Variants in PTPRD observed in about 807,000 individuals in gnomAD.
The protein encoded by PTPRD is receptor-type tyrosine-protein phosphatase delta.
Under a neutral mutation model 214.5 loss-of-function variants are expected in PTPRD, and 34 were observed. That is an observed-to-expected ratio of 0.16 (90% CI 0.12 to 0.21). The LOEUF is 0.21. Ranked by LOEUF, PTPRD falls within the 10% of genes least tolerant of loss-of-function variation. The pLI, the probability that PTPRD is intolerant of heterozygous loss-of-function variation, is 1.00. For missense variants in PTPRD, 2,545 were observed against 2,398.7 expected, an observed-to-expected ratio of 1.06 and a Z score of -1.27; for synonymous variants, 1,128 against 845.7, an observed-to-expected ratio of 1.33 and a Z score of -5.79.
chr9:8,474,240 A>G (rs1339312950), intron 30 of PTPRD, among the ~76,000 whole-genome samples: 1 of 151,774 alleles, frequency 6.6e-6, no homozygotes, highest in Non-Finnish European at 1.5e-5. Context: ...CTACATTATG[A>G]TCTTCTCTGG....
chr9:10,370,288 C>T (rs941319275), intron 2 of PTPRD, among the ~76,000 whole-genome samples: 19 of 152,042 alleles, frequency 1.2e-4, no homozygotes, highest in African/African-American at 2.9e-4. Context: ...AGTATTAGAA[C>T]GCATGTTCAC....
At chr9:8,527,323 C>T (rs748714449) in intron 16 of PTPRD, 22 bp downstream of exon 16, 15 of 1,602,622 alleles carry the variant, frequency 9.4e-6, no homozygotes, top group South Asian at 6.7e-5. Flanking sequence ...GGTTGAAGTG[C>T]GCTTCAGAAC....
intron 11 of PTPRD, among the ~76,000 whole-genome samples, chr9:8,786,768 G>C (rs564624813): frequency 6.6e-6 from 1 of 151,644 alleles, no homozygotes; most frequent in Admixed American, 6.6e-5. Context: ...GTGGGGGGGC[G>C]GGGGGCGAGG....
chr9:8,819,730 T>C (rs930452861), intron 11 of PTPRD, among the ~76,000 whole-genome samples: 6 of 152,166 alleles, frequency 3.9e-5, no homozygotes, highest in Admixed American at 2.6e-4. Flanking sequence ...GCACTTTCAA[T>C]AAAATGTGGG....
intron 3 of PTPRD, among the ~76,000 whole-genome samples, chr9:10,258,100 C>G (rs2093419832): frequency 6.6e-6 from 1 of 152,098 alleles, no homozygotes; most frequent in Non-Finnish European, 1.5e-5. Flanking sequence ...CATCCTTCAG[C>G]CAATTCCACT....
chr9:10,605,690 G>T (rs965641908), intron 2 of PTPRD, among the ~76,000 whole-genome samples: 1 of 151,786 alleles, frequency 6.6e-6, no homozygotes, highest in African/African-American at 2.4e-5. Context: ...AGGGAGAAAT[G>T]CCTTAGGGAA....
chr9:9,836,357 A>G (rs2056761882), intron 5 of PTPRD, among the ~76,000 whole-genome samples: 1 of 152,140 alleles, frequency 6.6e-6, no homozygotes, highest in Non-Finnish European at 1.5e-5. Context: ...GGATCTCAGA[A>G]GCTCTCATTC....
chr9:8,499,989 A>C, intron 24 of PTPRD, 149 bp from the exon 25 acceptor site: 1 of 507,640 alleles, frequency 2.0e-6, no homozygotes, highest in Non-Finnish European at 3.2e-6. Context: ...TTTTCAACCA[A>C]TGAAAATGCT....
intron 7 of PTPRD, among the ~76,000 whole-genome samples, chr9:9,731,384 C>A (rs1227894433): frequency 6.6e-6 from 1 of 152,028 alleles, no homozygotes; most frequent in African/African-American, 2.4e-5. Context: ...ATACTATTAA[C>A]CATCCTTCAC....
intron 9 of PTPRD, among the ~76,000 whole-genome samples, chr9:9,255,742 G>A (rs777044498): frequency 2.0e-5 from 3 of 151,974 alleles, no homozygotes; most frequent in East Asian, 1.9e-4. Context: ...ATCGCAAAAC[G>A]TAATCCAATT....
chr9:8,676,341 C>G (rs183257301), intron 12 of PTPRD, among the ~76,000 whole-genome samples: 1 of 151,912 alleles, frequency 6.6e-6, no homozygotes, highest in Non-Finnish European at 1.5e-5. Flanking sequence ...ATCTATCACA[C>G]CCACCAAAAT....
At chr9:9,427,728 A>G (rs1005833534) in intron 8 of PTPRD, among the ~76,000 whole-genome samples, 1 of 152,206 alleles carries the variant, frequency 6.6e-6, no homozygotes, top group African/African-American at 2.4e-5. Context: ...CAGAAACTCT[A>G]CAAGCCAGAA....
At chr9:8,994,118 G>C (rs1468168929) in intron 11 of PTPRD, among the ~76,000 whole-genome samples, 1 of 152,094 alleles carries the variant, frequency 6.6e-6, no homozygotes. Flanking sequence ...GATGGAGAGG[G>C]AGTTCAATGA....
At chr9:10,250,581 C>G (rs2092677190) in intron 3 of PTPRD, among the ~76,000 whole-genome samples, 1 of 151,960 alleles carries the variant, frequency 6.6e-6, no homozygotes, top group African/African-American at 2.4e-5. Context: ...ATTTAAAATC[C>G]TTTGATCAAT....
chr9:8,885,060 G>C (rs980722434), intron 11 of PTPRD, among the ~76,000 whole-genome samples: 3 of 152,228 alleles, frequency 2.0e-5, no homozygotes, highest in Admixed American at 6.5e-5. Context: ...TGCAAGTGAA[G>C]TGCTGATTGT....
At chr9:9,863,895 G>C (rs757494761) in intron 5 of PTPRD, among the ~76,000 whole-genome samples, 10 of 151,342 alleles carry the variant, frequency 6.6e-5, no homozygotes, top group Non-Finnish European at 8.8e-5. Flanking sequence ...AACTATACCT[G>C]ATCCCTGTCC....
intron 3 of PTPRD, among the ~76,000 whole-genome samples, chr9:10,286,111 C>G (rs1051234303): frequency 2.0e-5 from 3 of 152,100 alleles, no homozygotes; most frequent in Non-Finnish European, 4.4e-5. Context: ...TAAATCCATA[C>G]ATAACAATTA....
rs148340533 is a variant in PTPRD, at chr9:10,221,785, GT to G, written c.-545+119177del. The stretch of plus-strand genomic sequence containing the variant: ...AACTAGTGTTCATGGCTAAAAAACT[GT>G]TTTTTTTTTCCATTTCACTTCTTAC... On this transcript the variant is annotated intron_variant, in intron 3 of 45. Transcript: ENST00000381196. Among the ~76,000 whole-genome samples the G allele has an allele frequency of 3.6e-3, 536 of 148,286 alleles. 2 individuals carry two copies. Among genetic ancestry groups the G allele is most frequent in the African/African-American group, 0.012 (498 of 40,464 alleles).
intron 2 of PTPRD, among the ~76,000 whole-genome samples, chr9:10,547,340 T>C (rs1230261035): frequency 6.6e-6 from 1 of 152,012 alleles, no homozygotes; most frequent in Non-Finnish European, 1.5e-5. Flanking sequence ...CACTGCCAGA[T>C]TTGGTGCTAA....
Sources: allele counts gnomAD v4.1 joint callset (sites outside exome capture counted in the v4.1 genomes callset), GRCh38; gene constraint gnomAD v4.1.1; transcripts MANE v1.5; gene names NCBI Gene and HGNC (gene_info 2026-07-23, HGNC 2026-07-21).